TEAD1: variants seen among roughly 807,000 people sequenced by gnomAD.
The protein encoded by TEAD1 is transcriptional enhancer factor TEF-1.
In TEAD1, 9 loss-of-function variants were observed where a neutral mutation model predicts 54.9. That is an observed-to-expected ratio of 0.16 (90% CI 0.10 to 0.29). The LOEUF (loss-of-function observed/expected upper bound fraction) is 0.29, where lower values mean the gene tolerates loss of function less well. Among genes scored for constraint, TEAD1 ranks in the 10% least tolerant of loss-of-function variants. TEAD1 has a pLI of 1.00. For missense variants in TEAD1, 387 were observed against 535.9 expected, an observed-to-expected ratio of 0.72 and a Z score of 2.74; for synonymous variants, 200 against 187.8, an observed-to-expected ratio of 1.07 and a Z score of -0.53.
At chr11:12,750,656 G>A (rs117301475) in intron 2 of TEAD1, among the ~76,000 whole-genome samples, 2,331 of 152,104 alleles carry the variant, frequency 0.015, 34 homozygotes, top group Non-Finnish European at 0.022. Flanking sequence ...TCCACCTTTC[G>A]TCATGGCCTA....
rs1279771899 is a variant in TEAD1 at position 12,943,283 on chromosome 11, CCA to C, written c.*6064_*6065del. 2.0e-5 allele frequency: 3 copies of C among 152,636 alleles called. No individual in the cohort carries two copies. Among genetic ancestry groups the C allele is most frequent in the Admixed American group, 6.5e-5 (1 of 15,288 alleles). 9.5% of individuals were successfully genotyped at this position (152,636 alleles called of 1,614,324 possible). A position where few individuals can be genotyped will look rare whatever the true frequency, so the allele number is the denominator to read the frequency against. On this transcript the variant is annotated 3_prime_UTR_variant, in exon 13 of 13. Coordinates refer to ENST00000527636, the MANE Select transcript of TEAD1 (RefSeq NM_021961.6). ...TCAACTCTTCCCTGCCAGCACTATA[CCA>C]CAGTGTGGAAGAAATTAGTCAAATG...
At chr11:12,857,560 A>ATCTCTC (rs142569684) in intron 3 of TEAD1, among the ~76,000 whole-genome samples, 4 of 129,542 alleles carry the variant, frequency 3.1e-5, no homozygotes, top group Admixed American at 7.7e-5. Context: ...TGAATCAAGC[A>ATCTCTC]TCTCTCTCTC....
intron 2 of TEAD1, among the ~76,000 whole-genome samples, chr11:12,751,127 A>C (rs187308932): frequency 6.6e-5 from 10 of 152,178 alleles, no homozygotes; most frequent in Non-Finnish European, 1.2e-4. Context: ...CCTGGGCAAC[A>C]TAGTGAGGCC....
chr11:12,749,254 A>AG (rs1944814642), intron 2 of TEAD1, among the ~76,000 whole-genome samples: 1 of 152,066 alleles, frequency 6.6e-6, no homozygotes, highest in Non-Finnish European at 1.5e-5. Context: ...TCTCCCTGAG[A>AG]GGGAGGGCTT....
At chr11:12,761,334 A>G (rs1331476295) in intron 2 of TEAD1, among the ~76,000 whole-genome samples, 1 of 152,124 alleles carries the variant, frequency 6.6e-6, no homozygotes, top group Non-Finnish European at 1.5e-5. Flanking sequence ...ATTCTTTGGA[A>G]CTTCCCAAAG....
chr11:12,815,174 T>C (rs1946391178), intron 3 of TEAD1, among the ~76,000 whole-genome samples: 1 of 152,108 alleles, frequency 6.6e-6, no homozygotes, highest in South Asian at 2.1e-4. Context: ...GGGGTGAGTT[T>C]TAAACAGAAA....
intron 3 of TEAD1, among the ~76,000 whole-genome samples, chr11:12,779,929 G>A (rs1036396273): frequency 6.6e-6 from 1 of 152,206 alleles, no homozygotes; most frequent in African/African-American, 2.4e-5. Context: ...ACCTGCTAAA[G>A]GGCATCTGTG....
At chr11:12,885,903 A>G (rs1318830270) in intron 9 of TEAD1, among the ~76,000 whole-genome samples, 1 of 152,234 alleles carries the variant, frequency 6.6e-6, no homozygotes, top group East Asian at 1.9e-4. Flanking sequence ...AGAGGGGCTC[A>G]TCGCTGCCCA....
intron 5 of TEAD1, chr11:12,878,798 C>G: frequency 1.5e-6 from 1 of 673,434 alleles, no homozygotes; most frequent in Non-Finnish European, 2.2e-6. Flanking sequence ...TGTATATATA[C>G]ACATATATAT....
intron 2 of TEAD1, among the ~76,000 whole-genome samples, chr11:12,753,541 A>G (rs1460811214): frequency 2.0e-5 from 3 of 152,136 alleles, no homozygotes; most frequent in Non-Finnish European, 4.4e-5. Flanking sequence ...TCATATGTTT[A>G]TGGGCCATTT....
At chr11:12,772,583 T>G (rs920941255) in intron 3 of TEAD1, among the ~76,000 whole-genome samples, 3 of 152,178 alleles carry the variant, frequency 2.0e-5, no homozygotes, top group Non-Finnish European at 4.4e-5. Context: ...TACTCAGCAG[T>G]GAGTATTAGC....
chr11:12,677,958 A>G (rs1303399033), intron 2 of TEAD1, among the ~76,000 whole-genome samples: 1 of 152,230 alleles, frequency 6.6e-6, no homozygotes, highest in African/African-American at 2.4e-5. Context: ...GGTTGGTGCA[A>G]ATAACTGTAT....
intron 2 of TEAD1, among the ~76,000 whole-genome samples, chr11:12,763,752 C>A (rs182713171): frequency 6.6e-6 from 1 of 152,300 alleles, no homozygotes; most frequent in East Asian, 1.9e-4. Flanking sequence ...GATCATTTAG[C>A]AAAGTGCCCC....
intron 3 of TEAD1, among the ~76,000 whole-genome samples, chr11:12,820,230 A>C (rs956139926): frequency 2.0e-5 from 3 of 152,122 alleles, no homozygotes; most frequent in African/African-American, 7.2e-5. Context: ...GCCATACAGT[A>C]ATTTTTTTCA....
At chr11:12,879,893 C>T (rs768221327) in intron 6 of TEAD1, 51 bp downstream of exon 6, 2 of 1,609,888 alleles carry the variant, frequency 1.2e-6, no homozygotes, top group East Asian at 2.2e-5. Flanking sequence ...TTGGGGTTGG[C>T]ATGTGCCAGT....
At chr11:12,854,068 C>G (rs1280586274) in intron 3 of TEAD1, among the ~76,000 whole-genome samples, 1 of 152,168 alleles carries the variant, frequency 6.6e-6, no homozygotes, top group Non-Finnish European at 1.5e-5. Flanking sequence ...GTACCAGCCC[C>G]TGACAACCCT....
chr11:12,735,159 AG>A (rs1202949751), intron 2 of TEAD1, among the ~76,000 whole-genome samples: 6 of 152,212 alleles, frequency 3.9e-5, no homozygotes, highest in Non-Finnish European at 5.9e-5. Context: ...AGTCTGGCCC[AG>A]GACTTTAAAA....
intron 5 of TEAD1, among the ~76,000 whole-genome samples, chr11:12,876,135 C>G (rs1377346411): frequency 6.6e-6 from 1 of 152,014 alleles, no homozygotes; most frequent in Non-Finnish European, 1.5e-5. Flanking sequence ...ATTTAGGTAC[C>G]TGGTAGAATG....
At chr11:12,755,634 G>A (rs546497230) in intron 2 of TEAD1, among the ~76,000 whole-genome samples, 111 of 152,338 alleles carry the variant, frequency 7.3e-4, no homozygotes, top group Non-Finnish European at 1.4e-3. Context: ...CTTAAAGCAG[G>A]AAAGAAGCTT....
Sources: allele counts gnomAD v4.1 joint callset (sites outside exome capture counted in the v4.1 genomes callset), GRCh38; gene constraint gnomAD v4.1.1; transcripts MANE v1.5; gene names NCBI Gene and HGNC (gene_info 2026-07-23, HGNC 2026-07-21).